STAG2: variants seen among roughly 807,000 people sequenced by gnomAD.
STAG2 encodes STAG2 cohesin complex component, also known as cohesin subunit SA-2.
In STAG2, 14 loss-of-function variants were observed where a neutral mutation model predicts 108.1. The observed-to-expected ratio is 0.13, with a 90% CI of 0.09 to 0.20. The LOEUF (loss-of-function observed/expected upper bound fraction) is 0.20. STAG2 is among the 10% of genes least tolerant of loss of function. The pLI is 1.00. For synonymous variants in STAG2, 307 were observed against 302.7 expected (o/e 1.01, Z -0.15); for missense variants, 440 against 940.9 (o/e 0.47, Z 6.96).
chrX:123,981,467 C>T (rs756120144), intron 1 of STAG2, among the ~76,000 whole-genome samples: 28 of 111,479 alleles, frequency 2.5e-4, no homozygotes, highest in African/African-American at 6.8e-4. Context: ...CATGTTGTAA[C>T]GTTTATCAGA....
intron 1 of STAG2, among the ~76,000 whole-genome samples, chrX:123,966,282 G>A (rs949081765): frequency 9.1e-6 from 1 of 110,052 alleles, no homozygotes; most frequent in Non-Finnish European, 1.9e-5. Context: ...CCAACATGGT[G>A]AAACCCCCAT....
At chrX:123,986,213 A>C (rs2055185329) in intron 1 of STAG2, among the ~76,000 whole-genome samples, 1 of 107,359 alleles carries the variant, frequency 9.3e-6, no homozygotes, top group African/African-American at 3.4e-5. Context: ...ATGTGTGTAT[A>C]TATGGGAAAT....
At chrX:123,999,524 A>G (rs900551849) in intron 1 of STAG2, among the ~76,000 whole-genome samples, 4 of 111,259 alleles carry the variant, frequency 3.6e-5, no homozygotes, top group Non-Finnish European at 7.5e-5. Context: ...GCTCACTGCA[A>G]TCTCCCAACT....
chrX:124,094,992 A>G (rs1030635309), intron 33 of STAG2, among the ~76,000 whole-genome samples: 1 of 110,678 alleles, frequency 9.0e-6, no homozygotes, highest in Non-Finnish European at 1.9e-5. Flanking sequence ...CAGTGGCACA[A>G]TCTCAGCTCA....
intron 27 of STAG2, among the ~76,000 whole-genome samples, chrX:124,079,288 G>A (rs937097432): frequency 9.2e-5 from 10 of 109,073 alleles, no homozygotes; most frequent in African/African-American, 3.0e-4. Flanking sequence ...ACAGGCACCC[G>A]CCACCACACC....
intron 4 of STAG2, among the ~76,000 whole-genome samples, chrX:124,028,450 T>G (rs1169587459): frequency 3.6e-5 from 4 of 111,492 alleles, no homozygotes; most frequent in Non-Finnish European, 7.5e-5. Context: ...TTAAAACTTT[T>G]GAATTGTTTA....
chrX:123,989,562 C>T (rs2055347162), intron 1 of STAG2, among the ~76,000 whole-genome samples: 1 of 107,826 alleles, frequency 9.3e-6, no homozygotes, highest in Admixed American at 9.9e-5. Context: ...AGTGTTTTTT[C>T]TTCCAGGAAA....
At chrX:124,009,447 A>AGG (rs1569502017) in intron 1 of STAG2, among the ~76,000 whole-genome samples, 24 of 91,447 alleles carry the variant, frequency 2.6e-4, no homozygotes, top group African/African-American at 9.0e-4. Flanking sequence ...AGGTAGGTAG[A>AGG]TAGATAGATA....
intron 10 of STAG2, among the ~76,000 whole-genome samples, chrX:124,049,744 A>G (rs1030752201): frequency 3.6e-5 from 4 of 111,983 alleles, no homozygotes; most frequent in South Asian, 3.7e-4. Context: ...TCTGCCTTCA[A>G]TGACTCACCA....
chrX:124,021,978 A>T (rs2056943062), intron 2 of STAG2, among the ~76,000 whole-genome samples: 1 of 111,360 alleles, frequency 9.0e-6, no homozygotes, highest in South Asian at 3.8e-4. Context: ...CAGGCGGAGA[A>T]TCACAAGAAA....
intron 26 of STAG2, among the ~76,000 whole-genome samples, chrX:124,076,843 C>A (rs1290628685): frequency 9.1e-6 from 1 of 109,877 alleles, no homozygotes; most frequent in Non-Finnish European, 1.9e-5. Flanking sequence ...ATGCATCTTG[C>A]GACCTTGAAT....
intron 1 of STAG2, among the ~76,000 whole-genome samples, chrX:123,966,109 G>A (rs928946774): frequency 4.9e-4 from 55 of 111,683 alleles, no homozygotes; most frequent in Admixed American, 1.5e-3. Flanking sequence ...ATGGGCATCA[G>A]TATATACTGA....
chrX:124,055,906 A>T (rs775954027), intron 13 of STAG2, among the ~76,000 whole-genome samples: 1 of 109,197 alleles, frequency 9.2e-6, no homozygotes, highest in Admixed American at 9.7e-5. Flanking sequence ...TTAAACGTTT[A>T]TTTGTTTACC....
chrX:124,021,060 G>A (rs913340508), intron 1 of STAG2, among the ~76,000 whole-genome samples: 4 of 112,504 alleles, frequency 3.6e-5, no homozygotes, highest in African/African-American at 1.3e-4. Flanking sequence ...TTAATTTGTG[G>A]ATTATTCATT....
chrX:124,095,478 T>C, intron 34 of STAG2, 29 bp downstream of exon 34: 1 of 1,117,065 alleles, frequency 9.0e-7, no homozygotes, highest in South Asian at 1.8e-5. Context: ...TACCCTAGGA[T>C]TGCAAAATCA....
At chrX:124,093,618 A>G (rs1026853132) in intron 32 of STAG2, among the ~76,000 whole-genome samples, 1 of 109,828 alleles carries the variant, frequency 9.1e-6, no homozygotes, top group Non-Finnish European at 1.9e-5. Flanking sequence ...TTAGCATTAT[A>G]TATTGATGAA....
intron 1 of STAG2, among the ~76,000 whole-genome samples, chrX:124,010,285 G>A (rs949635419): frequency 1.8e-5 from 2 of 111,039 alleles, no homozygotes; most frequent in Admixed American, 9.6e-5. Flanking sequence ...AACAACTCCC[G>A]TTTTTCTCTT....
intron 4 of STAG2, 69 bp downstream of exon 4, chrX:124,025,987 C>T: frequency 1.2e-6 from 1 of 814,904 alleles, no homozygotes; most frequent in Non-Finnish European, 1.8e-6. Context: ...TAAGTTATGT[C>T]TCAGATAGTT....
chrX:124,043,437 C>T (rs5911739), intron 7 of STAG2, among the ~76,000 whole-genome samples: 19,843 of 110,786 alleles, frequency 0.18, 1,411 homozygotes, highest in East Asian at 0.39. Flanking sequence ...AGCAGGTAGG[C>T]GCCACTGCAT....
Sources: gnomAD v4.1 joint callset for allele counts (sites outside exome capture counted in the v4.1 genomes callset) on GRCh38, gnomAD v4.1.1 for gene constraint, MANE v1.5 for transcripts, NCBI Gene and HGNC (gene_info 2026-07-23, HGNC 2026-07-21) for gene names.